EPHA5: variants seen among roughly 807,000 people sequenced by gnomAD.
EPHA5 encodes EPH receptor A5, also known as ephrin type-A receptor 5.
Under a neutral mutation model 105.0 loss-of-function variants are expected in EPHA5, and 60 were observed. The observed-to-expected ratio is 0.57, with a 90% CI of 0.46 to 0.71. The LOEUF is 0.71. Among genes scored for constraint, EPHA5 ranks in the 30% least tolerant of loss-of-function variants. The pLI, the probability that EPHA5 is intolerant of heterozygous loss-of-function variation, is 0.00. For missense variants in EPHA5, 1,218 were observed against 1,274.7 expected (o/e 0.96, Z 0.68); for synonymous variants, 513 against 449.1 (o/e 1.14, Z -1.80).
chr4:65,582,259 C>G (rs1050320683), intron 3 of EPHA5, among the ~76,000 whole-genome samples: 1 of 151,558 alleles, frequency 6.6e-6, no homozygotes, highest in Admixed American at 6.6e-5. Context: ...CAAGACGCCA[C>G]AATTCTATTC....
intron 2 of EPHA5, among the ~76,000 whole-genome samples, chr4:65,616,644 T>C (rs998590957): frequency 2.0e-5 from 3 of 152,018 alleles, no homozygotes; most frequent in Admixed American, 1.3e-4. Context: ...ATAAAGAGTA[T>C]GGGAAAACAG....
intron 11 of EPHA5, among the ~76,000 whole-genome samples, chr4:65,359,777 C>T (rs962401660): frequency 6.6e-6 from 1 of 151,662 alleles, no homozygotes; most frequent in Non-Finnish European, 1.5e-5. Context: ...TGCTTCAACA[C>T]TGGGTCCTAC....
chr4:65,513,844 G>A (rs192656151), intron 3 of EPHA5, among the ~76,000 whole-genome samples: 1 of 151,736 alleles, frequency 6.6e-6, no homozygotes, highest in Non-Finnish European at 1.5e-5. Flanking sequence ...GCTTTTTAAC[G>A]TTTTTACACT....
intron 14 of EPHA5, among the ~76,000 whole-genome samples, chr4:65,337,739 C>T (rs1217292526): frequency 6.6e-6 from 1 of 152,044 alleles, no homozygotes; most frequent in African/African-American, 2.4e-5. Context: ...TAGGAGATAG[C>T]TGGACTGATA....
In EPHA5 at chr4:65,518,126, C is replaced by T. The variant is rs1392616273; in HGVS notation, c.911-22583G>A. Among the ~76,000 whole-genome samples, 17 of 151,982 alleles carry T rather than the reference C, an allele frequency of 1.1e-4. 1 individual carries two copies. The East Asian group carries it at 3.3e-3, about 29-fold the overall frequency. Reference sequence around the variant, plus strand: ...TAAAAGTTTGAAGAACTAATTATTTCACCTTTGAAAAGCTGTGACATTTCA... The same window carrying T: ...TAAAAGTTTGAAGAACTAATTATTTTACCTTTGAAAAGCTGTGACATTTCA... On this transcript the variant is annotated intron_variant, in intron 3 of 16. Coordinates refer to ENST00000613740, the MANE Select transcript of EPHA5 (RefSeq NM_001281766.3).
intron 1 of EPHA5, among the ~76,000 whole-genome samples, chr4:65,648,041 A>G (rs12505781): frequency 0.29 from 43,934 of 152,094 alleles, 6,746 homozygotes; most frequent in Middle Eastern, 0.42. Flanking sequence ...AACAATTTCA[A>G]TGCTTTATTG....
chr4:65,353,816 T>G (rs1723054643), intron 11 of EPHA5, among the ~76,000 whole-genome samples: 1 of 151,826 alleles, frequency 6.6e-6, no homozygotes, highest in Admixed American at 6.6e-5. Context: ...GCCCTTCCTC[T>G]CTCTGCTACA....
At chr4:65,395,905 G>A (rs1033691760) in intron 8 of EPHA5, among the ~76,000 whole-genome samples, 1 of 152,210 alleles carries the variant, frequency 6.6e-6, no homozygotes, top group South Asian at 2.1e-4. Context: ...CGACTGGAGA[G>A]GGGGAGGTGA....
intron 7 of EPHA5, among the ~76,000 whole-genome samples, chr4:65,408,975 G>A (rs867372959): frequency 1.3e-5 from 2 of 150,414 alleles, no homozygotes; most frequent in Middle Eastern, 3.4e-3. Flanking sequence ...TTAAGAAAAT[G>A]TGGCACATAT....
intron 5 of EPHA5, among the ~76,000 whole-genome samples, chr4:65,448,959 A>T (rs1313055755): frequency 6.6e-6 from 1 of 152,176 alleles, no homozygotes; most frequent in African/African-American, 2.4e-5. Context: ...ATATCTTTAT[A>T]TCACACTCCA....
chr4:65,669,658 C>G lies in EPHA5; in HGVS notation c.85G>C (p.Ala29Pro), dbSNP rs1750287047. 3 of 1,377,008 alleles carry G rather than the reference C, an allele frequency of 2.2e-6. No individual in the cohort carries two copies. Among genetic ancestry groups the G allele is most frequent in the Non-Finnish European group, 2.8e-6 (3 of 1,059,986 alleles). The allele number at this position is 1,377,008 out of a possible 1,614,324, so 85.3% of individuals were successfully genotyped here. A position where few individuals can be genotyped will look rare whatever the true frequency, so the allele number is the denominator to read the frequency against. The change falls in exon 1 of 17, where the codon GCC (alanine) becomes CCC (proline). Residue 29 changes from alanine (A) to proline (P), a missense_variant. By Grantham distance (27) the Ala-to-Pro change is conservative. Coordinates refer to ENST00000613740, the MANE Select transcript of EPHA5 (RefSeq NM_001281766.3). ...CGTCGAGGTGCAGAGTAGCAGCCGGCCAGGGACGCTGGGGTGATGGGGGTG... is the reference window on the plus strand; with the variant it reads ...CGTCGAGGTGCAGAGTAGCAGCCGGGCAGGGACGCTGGGGTGATGGGGGTG... ...GDTPITPASLAGCYSAPRRAP... is the reference protein window; with the variant it reads ...GDTPITPASLPGCYSAPRRAP...
chr4:65,391,908 T>G (rs1462809442), intron 8 of EPHA5, among the ~76,000 whole-genome samples: 1 of 152,174 alleles, frequency 6.6e-6, no homozygotes, highest in Non-Finnish European at 1.5e-5. Context: ...GATATTAACT[T>G]GTTGTTTCCA....
rs559526580 is a variant in EPHA5 at position 65,625,882 on chromosome 4, C to T, written c.246+17481G>A. 8.5e-5 allele frequency among the ~76,000 whole-genome samples: 13 copies of T among 152,112 alleles called. No homozygotes were observed. In the South Asian group the frequency reaches 2.3e-3, roughly 27 times the overall value. On this transcript the variant is annotated intron_variant, in intron 2 of 16. Transcript: ENST00000613740. ...ATCCCAGCACTTTAGGAGGCCGAGG[C>T]GGGAGGATCATGAGGTCAGGAGATC...
chr4:65,351,446 A>T lies in EPHA5; in HGVS notation c.2388T>A (p.Ser796=), dbSNP rs781694367. ...CCAGTACCCGGGAAAGTCCAAAGTC[A>T]GACACTTTGCACACAAGGTTACTGT... The part of the protein sequence containing the change: ...LINSNLVCKV[S]DFGLSRVLED... The change falls in exon 13 of 17, where the codon TCT becomes TCA. Residue 796 remains serine (S), a synonymous_variant. Coordinates refer to ENST00000613740, the MANE Select transcript of EPHA5 (RefSeq NM_001281766.3). 3 of 1,613,790 alleles carry T rather than the reference A, an allele frequency of 1.9e-6. No homozygotes were observed. Among genetic ancestry groups the T allele is most frequent in the Non-Finnish European group, 2.5e-6 (3 of 1,179,812 alleles).
At chr4:65,444,889 A>G (rs2149093835) in intron 5 of EPHA5, among the ~76,000 whole-genome samples, 1 of 152,142 alleles carries the variant, frequency 6.6e-6, no homozygotes, top group South Asian at 2.1e-4. Flanking sequence ...ATTCCTGGGT[A>G]CCTAAAAAAA....
At chr4:65,608,100 G>A (rs1207534648) in intron 2 of EPHA5, among the ~76,000 whole-genome samples, 1 of 152,186 alleles carries the variant, frequency 6.6e-6, no homozygotes, top group Non-Finnish European at 1.5e-5. Flanking sequence ...ACCTAATGTA[G>A]ATGATGGGTT....
intron 5 of EPHA5, among the ~76,000 whole-genome samples, chr4:65,453,779 A>G (rs1456762566): frequency 6.6e-6 from 1 of 152,144 alleles, no homozygotes; most frequent in African/African-American, 2.4e-5. Flanking sequence ...CAACACATAA[A>G]ACCCTAAGTC....
At chr4:65,365,330 CA>C (rs544615649) in intron 10 of EPHA5, 128 bp from the exon 11 acceptor site, 2 of 764,750 alleles carry the variant, frequency 2.6e-6, no homozygotes, top group Admixed American at 2.8e-5. Context: ...AACAAACAAA[CA>C]AAAAGCAGTC....
chr4:65,459,200 G>A (rs550143043), intron 5 of EPHA5, among the ~76,000 whole-genome samples: 12 of 152,072 alleles, frequency 7.9e-5, no homozygotes, highest in African/African-American at 2.9e-4. Flanking sequence ...AATTCAAATA[G>A]GATATTGAAA....
Sources: gnomAD v4.1 joint callset for allele counts (sites outside exome capture counted in the v4.1 genomes callset) on GRCh38, gnomAD v4.1.1 for gene constraint, MANE v1.5 for transcripts, NCBI Gene and HGNC (gene_info 2026-07-23, HGNC 2026-07-21) for gene names.